SLC4A10: variants seen among roughly 807,000 people sequenced by gnomAD.
SLC4A10 encodes the protein sodium-driven chloride bicarbonate exchanger.
SLC4A10 carries 42 observed loss-of-function variants against 137.7 expected under a neutral mutation model. The observed-to-expected ratio is 0.30, with a 90% CI of 0.24 to 0.39. SLC4A10 has a LOEUF of 0.39. Among genes scored for constraint, SLC4A10 ranks in the 10% least tolerant of loss-of-function variants. The pLI is 1.00. For missense variants in SLC4A10, 925 were observed against 1,355.0 expected (o/e 0.68, Z 4.98); for synonymous variants, 474 against 464.1 (o/e 1.02, Z -0.27).
rs144754594 is a variant in SLC4A10, at chr2:161,935,689, T to C, written c.1998-7103T>C. On this transcript the variant is annotated intron_variant, in intron 15 of 26. Coordinates refer to ENST00000446997, the MANE Select transcript of SLC4A10 (RefSeq NM_001178015.2). ...TGATTTTATTTTTCAGATAGTTTGT[T>C]GTTAGGGTGTTAAAGTGCTACCCAT... Among the ~76,000 whole-genome samples, 25 of 152,290 alleles carry C rather than the reference T, an allele frequency of 1.6e-4. 1 individual carries two copies. The East Asian group carries it at 4.8e-3, about 29-fold the overall frequency.
At chr2:161,685,899 A>G (rs772542074) in intron 1 of SLC4A10, among the ~76,000 whole-genome samples, 1 of 152,184 alleles carries the variant, frequency 6.6e-6, no homozygotes, top group Non-Finnish European at 1.5e-5. Flanking sequence ...TGTACTATAA[A>G]GGTTTGCAAT....
At chr2:161,709,948 G>T (rs1173344833) in intron 1 of SLC4A10, 2 of 151,546 alleles carry the variant, frequency 1.3e-5, no homozygotes, top group East Asian at 3.9e-4. Flanking sequence ...TCAACAGCAA[G>T]ATGGTTTTGT....
At chr2:161,963,827 A>G (rs1186506039) in intron 21 of SLC4A10, among the ~76,000 whole-genome samples, 4 of 152,164 alleles carry the variant, frequency 2.6e-5, no homozygotes, top group African/African-American at 9.6e-5. Context: ...AAGATGGTTA[A>G]TTATGTTTTG....
intron 1 of SLC4A10, among the ~76,000 whole-genome samples, chr2:161,662,829 T>C (rs778053456): frequency 6.6e-5 from 10 of 152,234 alleles, no homozygotes; most frequent in Non-Finnish European, 1.3e-4. Context: ...GCTATATCTG[T>C]ATGTCCTACA....
At chr2:161,833,905 A>T (rs1006018611) in intron 3 of SLC4A10, among the ~76,000 whole-genome samples, 7 of 152,212 alleles carry the variant, frequency 4.6e-5, no homozygotes, top group Non-Finnish European at 1.0e-4. Context: ...GTGCACACAT[A>T]TAAGTAAGAT....
At chr2:161,788,274 T>G (rs1268058334) in intron 2 of SLC4A10, among the ~76,000 whole-genome samples, 12 of 152,134 alleles carry the variant, frequency 7.9e-5, no homozygotes, top group Admixed American at 7.9e-4. Context: ...ATTTTCTGTG[T>G]GACTAGGAGA....
At chr2:161,667,109 G>A (rs933657015) in intron 1 of SLC4A10, among the ~76,000 whole-genome samples, 17 of 151,628 alleles carry the variant, frequency 1.1e-4, no homozygotes, top group Admixed American at 2.6e-4. Context: ...TCAATGTGAA[G>A]CATTTCATTT....
chr2:161,676,605 T>A (rs986785747), intron 1 of SLC4A10, among the ~76,000 whole-genome samples: 1 of 152,200 alleles, frequency 6.6e-6, no homozygotes, highest in South Asian at 2.1e-4. Flanking sequence ...AAGTTTTAAG[T>A]ACTCCATTGA....
At chr2:161,896,820 C>A (rs2063555970) in intron 11 of SLC4A10, among the ~76,000 whole-genome samples, 2 of 152,060 alleles carry the variant, frequency 1.3e-5, no homozygotes, top group Non-Finnish European at 2.9e-5. Flanking sequence ...TTGATGACAA[C>A]CTACTAATCA....
At chr2:161,787,981 T>G (rs1406006992) in intron 2 of SLC4A10, among the ~76,000 whole-genome samples, 1 of 152,190 alleles carries the variant, frequency 6.6e-6, no homozygotes. Flanking sequence ...TCTGTCTTTT[T>G]GTACCACTGG....
At chr2:161,867,283 C>T (rs997808317) in intron 6 of SLC4A10, among the ~76,000 whole-genome samples, 1 of 151,808 alleles carries the variant, frequency 6.6e-6, no homozygotes, top group Admixed American at 6.6e-5. Context: ...GCTGTCTTTA[C>T]GTATTTAGAT....
intron 1 of SLC4A10, among the ~76,000 whole-genome samples, chr2:161,760,234 AT>A (rs1217132614): frequency 6.6e-6 from 1 of 151,630 alleles, no homozygotes; most frequent in African/African-American, 2.4e-5. Flanking sequence ...TTTCTTTTGA[AT>A]TTTTTATATT....
intron 4 of SLC4A10, among the ~76,000 whole-genome samples, chr2:161,854,641 G>A (rs937686724): frequency 1.3e-5 from 2 of 152,084 alleles, no homozygotes; most frequent in Non-Finnish European, 2.9e-5. Flanking sequence ...TTTCCATGAA[G>A]TATACACTCT....
chr2:161,738,846 C>T (rs1267482300), intron 1 of SLC4A10, among the ~76,000 whole-genome samples: 3 of 152,238 alleles, frequency 2.0e-5, no homozygotes, highest in South Asian at 4.1e-4. Context: ...AAATGCCTCC[C>T]TCTTAGTCCA....
chr2:161,788,583 G>T (rs2125518292), intron 2 of SLC4A10, among the ~76,000 whole-genome samples: 1 of 152,178 alleles, frequency 6.6e-6, no homozygotes, highest in African/African-American at 2.4e-5. Flanking sequence ...CTGTCACAGG[G>T]CTCATGATCT....
At chr2:161,692,267 A>G (rs775572109) in intron 1 of SLC4A10, among the ~76,000 whole-genome samples, 2 of 152,074 alleles carry the variant, frequency 1.3e-5, no homozygotes, top group Non-Finnish European at 2.9e-5. Flanking sequence ...ATGTAGATAT[A>G]TAGAAATATA....
chr2:161,729,167 T>C (rs1224769799), intron 1 of SLC4A10, among the ~76,000 whole-genome samples: 2 of 152,154 alleles, frequency 1.3e-5, no homozygotes, highest in East Asian at 1.9e-4. Context: ...ACCACTCTTA[T>C]TCAACATCAT....
chr2:161,798,207 T>C (rs2054988722), intron 2 of SLC4A10, among the ~76,000 whole-genome samples: 1 of 151,994 alleles, frequency 6.6e-6, no homozygotes, highest in South Asian at 2.1e-4. Flanking sequence ...AGAGTCTCCA[T>C]GGAATTAAAG....
At chr2:161,899,533 A>G (rs2063880752) in intron 11 of SLC4A10, among the ~76,000 whole-genome samples, 1 of 152,146 alleles carries the variant, frequency 6.6e-6, no homozygotes, top group African/African-American at 2.4e-5. Context: ...AATGAACAGC[A>G]TTTAAGAGTT....
Sources: gnomAD v4.1 joint callset for allele counts (sites outside exome capture counted in the v4.1 genomes callset) on GRCh38, gnomAD v4.1.1 for gene constraint, MANE v1.5 for transcripts, NCBI Gene and HGNC (gene_info 2026-07-23, HGNC 2026-07-21) for gene names.